TPD52: variants seen among roughly 807,000 people sequenced by gnomAD.
TPD52 encodes tumor protein D52.
In TPD52, 17 loss-of-function variants were observed where a neutral mutation model predicts 31.3. The observed-to-expected ratio is 0.54, with a 90% CI of 0.37 to 0.82. The LOEUF is 0.82. Among genes scored for constraint, TPD52 ranks in the 40% least tolerant of loss-of-function variants. The pLI is 0.00. For synonymous variants in TPD52, 83 were observed against 89.6 expected, an observed-to-expected ratio of 0.93 and a Z score of 0.42; for missense variants, 212 against 240.1, an observed-to-expected ratio of 0.88 and a Z score of 0.77.
At chr8:80,104,622 G>A (rs1476233708) in intron 1 of TPD52, among the ~76,000 whole-genome samples, 1 of 147,500 alleles carries the variant, frequency 6.8e-6, no homozygotes, top group Non-Finnish European at 1.5e-5. Context: ...TTACTGGCAT[G>A]TAGAGGTTTC....
At chr8:80,042,177 G>A (rs1431611590) in intron 7 of TPD52, 1 of 984,928 alleles carries the variant, frequency 1.0e-6, no homozygotes, top group Non-Finnish European at 1.2e-6. Context: ...TATGATGTAT[G>A]GCTACTTCTT....
intron 1 of TPD52, chr8:80,080,452 A>G (rs770051633): frequency 1.4e-5 from 23 of 1,613,854 alleles, no homozygotes; most frequent in Middle Eastern, 3.3e-4. Flanking sequence ...TCTACAATCC[A>G]TTCCAGACAA....
chr8:80,126,574 T>C lies in TPD52; in HGVS notation c.19+44851A>G, dbSNP rs534503094. On this transcript the variant is annotated intron_variant, in intron 1 of 7. Coordinates refer to ENST00000518937, the MANE Select transcript of TPD52 (RefSeq NM_001025253.3). ...TCGGCTCACTGCAACCTCCACCTCCTGGGTTCAAGTAATTCTCCCACGTCA... is the reference window on the plus strand; with the variant it reads ...TCGGCTCACTGCAACCTCCACCTCCCGGGTTCAAGTAATTCTCCCACGTCA... Among the ~76,000 whole-genome samples the C allele has an allele frequency of 2.0e-5, 3 of 150,246 alleles. No homozygotes were observed. The Admixed American group carries it at 2.0e-4, about 10-fold the overall frequency.
chr8:80,081,858 C>A (rs1263699265), intron 1 of TPD52, among the ~76,000 whole-genome samples: 1 of 152,194 alleles, frequency 6.6e-6, no homozygotes, highest in Non-Finnish European at 1.5e-5. Flanking sequence ...GGCTGGAGTA[C>A]AATGGCACAA....
intron 1 of TPD52, among the ~76,000 whole-genome samples, chr8:80,141,585 C>A (rs1315607485): frequency 1.3e-5 from 2 of 152,140 alleles, no homozygotes; most frequent in Admixed American, 6.5e-5. Context: ...ACTTTCTTGG[C>A]CAGCCCCAGA....
In TPD52 at chr8:80,035,096, GGACA is replaced by G. The variant is rs1809815314; in HGVS notation, c.*3016_*3019del. 6.6e-6 allele frequency: 1 copy of G among 152,190 alleles called. No homozygotes were observed. Among genetic ancestry groups the G allele is most frequent in the Non-Finnish European group, 1.5e-5 (1 of 68,046 alleles). 9.4% of individuals were successfully genotyped at this position (152,190 alleles called of 1,614,324 possible). A position where few individuals can be genotyped will look rare whatever the true frequency, so the allele number is the denominator to read the frequency against. On this transcript the variant is annotated 3_prime_UTR_variant, in exon 8 of 8. Coordinates refer to ENST00000518937, the MANE Select transcript of TPD52 (RefSeq NM_001025253.3). ...GGGTCTCTCTAATCTAATGAAAACA[GGACA>G]GTCACTGAAAATAAGGACTAATCAA...
chr8:80,170,118 T>C (rs1811980206), intron 1 of TPD52, among the ~76,000 whole-genome samples: 1 of 151,952 alleles, frequency 6.6e-6, no homozygotes, highest in South Asian at 2.1e-4. Flanking sequence ...TACAAGTAAA[T>C]GAAAGTAAAG....
chr8:80,090,684 A>G (rs1816189122), intron 1 of TPD52, among the ~76,000 whole-genome samples: 1 of 151,900 alleles, frequency 6.6e-6, no homozygotes, highest in Non-Finnish European at 1.5e-5. Context: ...AAAAAAGACT[A>G]TTATAGCACA....
chr8:80,050,386 C>T (rs1811244468), intron 5 of TPD52, 59 bp downstream of exon 5: 4 of 1,530,622 alleles, frequency 2.6e-6, no homozygotes, highest in Non-Finnish European at 3.6e-6. Flanking sequence ...GTAATCTAAT[C>T]TCAGCACACT....
intron 1 of TPD52, among the ~76,000 whole-genome samples, chr8:80,169,193 C>G (rs1811914158): frequency 6.6e-6 from 1 of 152,142 alleles, no homozygotes; most frequent in Admixed American, 6.5e-5. Context: ...CCTTGTTGGA[C>G]AGGGGTCAAA....
chr8:80,130,914 T>C (rs1808974655), intron 1 of TPD52, among the ~76,000 whole-genome samples: 1 of 152,238 alleles, frequency 6.6e-6, no homozygotes, highest in Admixed American at 6.5e-5. Context: ...ACAAAATTAC[T>C]GTTTAACCCA....
chr8:80,117,738 T>TC (rs1023146699), intron 1 of TPD52, among the ~76,000 whole-genome samples: 9 of 147,480 alleles, frequency 6.1e-5, no homozygotes, highest in African/African-American at 9.9e-5. Context: ...TTCTTTCTTT[T>TC]TTTTTTTTTT....
intron 1 of TPD52, among the ~76,000 whole-genome samples, chr8:80,138,561 T>C (rs1050111582): frequency 6.6e-6 from 1 of 152,164 alleles, no homozygotes; most frequent in African/African-American, 2.4e-5. Flanking sequence ...CATAGAGCTT[T>C]ATCAAAAAGA....
intron 1 of TPD52, among the ~76,000 whole-genome samples, chr8:80,140,725 T>C (rs563002529): frequency 6.6e-6 from 1 of 152,276 alleles, no homozygotes; most frequent in Admixed American, 6.5e-5. Context: ...TTCTAAACAA[T>C]ATGATGTACG....
chr8:80,037,781 A>T lies in TPD52; in HGVS notation c.*335T>A, dbSNP rs561126335. 6.0e-4 allele frequency: 112 copies of T among 186,284 alleles called. 1 individual carries two copies. Among genetic ancestry groups the T allele is most frequent in the African/African-American group, 2.4e-3 (104 of 42,878 alleles). The allele number at this position is 186,284 out of a possible 1,614,324, so 11.5% of individuals were successfully genotyped here. ...TATAGAAGACAAAGGTCAAACTGGC[A>T]TTCCAGATCTGGAGCAATTTTGTAA... is the stretch of plus-strand genomic sequence containing the variant. On this transcript the variant is annotated 3_prime_UTR_variant, in exon 8 of 8. Coordinates refer to ENST00000518937, the MANE Select transcript of TPD52 (RefSeq NM_001025253.3).
At chr8:80,041,119 A>G (rs1019742984) in intron 7 of TPD52, among the ~76,000 whole-genome samples, 4 of 152,196 alleles carry the variant, frequency 2.6e-5, no homozygotes, top group Non-Finnish European at 5.9e-5. Context: ...CGATCCAAAC[A>G]TCACACACCA....
intron 2 of TPD52, among the ~76,000 whole-genome samples, chr8:80,061,351 T>A: frequency 7.4e-6 from 1 of 134,246 alleles, no homozygotes; most frequent in Non-Finnish European, 1.6e-5. Context: ...GCAACAAGAG[T>A]GAAACTCCAT....
intron 1 of TPD52, among the ~76,000 whole-genome samples, chr8:80,166,694 A>G (rs905941582): frequency 4.0e-5 from 6 of 151,840 alleles, no homozygotes; most frequent in African/African-American, 1.5e-4. Context: ...ACCTGAGGTC[A>G]GGAGTTCGAG....
chr8:80,083,697 A>G (rs1446401111), intron 1 of TPD52, among the ~76,000 whole-genome samples: 4 of 152,126 alleles, frequency 2.6e-5, no homozygotes, highest in African/African-American at 9.7e-5. Context: ...TAAATTACCC[A>G]GTCTCAGGTA....
Sources: gnomAD v4.1 joint callset for allele counts (sites outside exome capture counted in the v4.1 genomes callset) on GRCh38, gnomAD v4.1.1 for gene constraint, MANE v1.5 for transcripts, NCBI Gene and HGNC (gene_info 2026-07-23, HGNC 2026-07-21) for gene names.